The following RUFY2 variants were observed in gnomAD, a reference collection of about 807,000 sequenced individuals.
RUFY2 encodes RUN and FYVE domain-containing protein 2.
In RUFY2, 49 loss-of-function variants were observed where a neutral mutation model predicts 94.4. The observed-to-expected ratio is 0.52, with a 90% CI of 0.41 to 0.66. RUFY2 has a LOEUF of 0.66. RUFY2 is among the 30% of genes least tolerant of loss of function. RUFY2 has a pLI of 0.00. For synonymous variants in RUFY2, 255 were observed against 235.7 expected, an observed-to-expected ratio of 1.08 and a Z score of -0.75; for missense variants, 541 against 692.8, an observed-to-expected ratio of 0.78 and a Z score of 2.46.
intron 15 of RUFY2, among the ~76,000 whole-genome samples, chr10:68,361,427 G>C (rs1448203192): frequency 2.6e-5 from 4 of 152,184 alleles, no homozygotes; most frequent in African/African-American, 9.6e-5. Flanking sequence ...GCTCACTGTT[G>C]AGTCTCTAGC....
chr10:68,391,299 T>C lies in RUFY2; in HGVS notation c.650+1839A>G, dbSNP rs951082641. On this transcript the variant is annotated intron_variant, in intron 7 of 17. Transcript: ENST00000602465. ...GGGGAATACTGGGTAAAATAAAATA[T>C]ATTTTTAATTTTTGGGGTTTTTTTT... Among the ~76,000 whole-genome samples the C allele has an allele frequency of 5.3e-5, 8 of 152,186 alleles. No homozygotes were observed. The South Asian group carries it at 6.2e-4, about 12-fold the overall frequency.
chr10:68,353,450 T>C (rs546811647), intron 16 of RUFY2, among the ~76,000 whole-genome samples: 1 of 151,142 alleles, frequency 6.6e-6, no homozygotes, highest in African/African-American at 2.4e-5. Context: ...TGAGCCGAGA[T>C]CATGCCATTG....
At chr10:68,369,793 C>T (rs1406364790) in intron 13 of RUFY2, among the ~76,000 whole-genome samples, 1 of 151,836 alleles carries the variant, frequency 6.6e-6, no homozygotes, top group Non-Finnish European at 1.5e-5. Flanking sequence ...AAAATAAAAG[C>T]CAGTTTGACT....
intron 16 of RUFY2, among the ~76,000 whole-genome samples, chr10:68,354,095 G>A (rs975585397): frequency 6.6e-6 from 1 of 152,060 alleles, no homozygotes; most frequent in African/African-American, 2.4e-5. Context: ...AAAGGGCAAG[G>A]GAGTGAAGAA....
downstream of RUFY2, chr10:68,341,984 G>T: frequency 6.2e-7 from 1 of 1,614,044 alleles, no homozygotes; most frequent in Non-Finnish European, 8.5e-7. Flanking sequence ...TAAGGCCGTG[G>T]TGGTGGAGGC....
chr10:68,371,530 T>G (rs1282685959), intron 13 of RUFY2, among the ~76,000 whole-genome samples: 1 of 149,962 alleles, frequency 6.7e-6, no homozygotes, highest in African/African-American at 2.5e-5. Context: ...AGGCGGAGGT[T>G]GCAGAGAGCC....
chr10:68,380,840 C>A (rs927998397), intron 11 of RUFY2, among the ~76,000 whole-genome samples: 2 of 151,774 alleles, frequency 1.3e-5, no homozygotes, highest in Admixed American at 1.3e-4. Context: ...CCAGCCTGGG[C>A]AACAGAGCGA....
chr10:68,341,389 C>T (rs1032250065), downstream of RUFY2: 16 of 1,433,018 alleles, frequency 1.1e-5, no homozygotes, highest in Middle Eastern at 1.8e-4. Context: ...CTGTAGGTAA[C>T]GCTTGGCAGT....
At chr10:68,353,640 A>T (rs1465517236) in intron 16 of RUFY2, among the ~76,000 whole-genome samples, 1 of 151,858 alleles carries the variant, frequency 6.6e-6, no homozygotes, top group Non-Finnish European at 1.5e-5. Flanking sequence ...CTCTACAAAA[A>T]ATTTAAAAAT....
In RUFY2 at chr10:68,405,439, T is replaced by C. The variant is rs192073598; in HGVS notation, c.5-595A>G. Reference sequence around the variant, plus strand: ...GCCATTCTCCTGTATTTAACTTTCCTGGTACCTCTTCATAGAGAATGAGTT... The same window carrying C: ...GCCATTCTCCTGTATTTAACTTTCCCGGTACCTCTTCATAGAGAATGAGTT... On this transcript the variant is annotated intron_variant, in intron 1 of 17. Coordinates refer to ENST00000602465, the MANE Select transcript of RUFY2 (RefSeq NM_001330103.2). The C allele has an allele frequency of 9.9e-5, 96 of 973,516 alleles. No homozygotes were observed. The African/African-American group carries it at 1.4e-3, about 14-fold the overall frequency. 60.3% of individuals were successfully genotyped at this position (973,516 alleles called of 1,614,324 possible).
downstream of RUFY2, chr10:68,341,391 C>A: frequency 7.0e-7 from 1 of 1,428,204 alleles, no homozygotes; most frequent in Non-Finnish European, 9.6e-7. Context: ...GTAGGTAACG[C>A]TTGGCAGTTG....
chr10:68,405,535 G>T (rs768531360), intron 1 of RUFY2: 56 of 751,936 alleles, frequency 7.4e-5, no homozygotes, highest in Admixed American at 1.3e-4. Context: ...CATGCAAAAG[G>T]TAGATAGCAG....
chr10:68,395,191 A>T (rs530219645), intron 4 of RUFY2, among the ~76,000 whole-genome samples: 3 of 152,122 alleles, frequency 2.0e-5, no homozygotes, highest in African/African-American at 7.2e-5. Flanking sequence ...TACAAAAATT[A>T]GCCAGGCGTG....
At chr10:68,384,989 T>C (rs746350584) in intron 8 of RUFY2, among the ~76,000 whole-genome samples, 19 of 152,130 alleles carry the variant, frequency 1.2e-4, no homozygotes, top group Middle Eastern at 3.4e-3. Flanking sequence ...TTTGGCTGGG[T>C]GCAGTGGCTC....
chr10:68,384,172 C>G lies in RUFY2; in HGVS notation c.721-20G>C. On this transcript the variant is annotated intron_variant, in intron 8 of 17. Transcript: ENST00000602465. ...TGCTAACTAAAAATTAAGAAACGGG[C>G]AAGAAAAAAGATTTTAAACACCCTT... 2 of 1,595,294 alleles carry G rather than the reference C, an allele frequency of 1.3e-6. No individual in the cohort carries two copies. Among genetic ancestry groups the G allele is most frequent in the Non-Finnish European group, 1.7e-6 (2 of 1,174,714 alleles).
rs950681804 is a variant in RUFY2 at position 68,345,745 on chromosome 10, C to T, written c.*23G>A. The T allele has an allele frequency of 3.8e-6, 6 of 1,596,426 alleles. No homozygotes were observed. In the African/African-American group the frequency reaches 8.1e-5, roughly 21 times the overall value. On this transcript the variant is annotated 3_prime_UTR_variant, in exon 18 of 18. Coordinates refer to ENST00000602465, the MANE Select transcript of RUFY2 (RefSeq NM_001330103.2). ...AACATTCATTGTAGGTAATTTCATA[C>T]ATAAGGATTTAGTTCTGGAGTCTCA...
At chr10:68,371,338 C>A (rs2048264186) in intron 13 of RUFY2, among the ~76,000 whole-genome samples, 1 of 151,686 alleles carries the variant, frequency 6.6e-6, no homozygotes, top group African/African-American at 2.4e-5. Flanking sequence ...AGGAGAATCG[C>A]TTGAATCCAG....
chr10:68,387,320 G>A (rs977881977), intron 7 of RUFY2, among the ~76,000 whole-genome samples: 1 of 151,990 alleles, frequency 6.6e-6, no homozygotes, highest in African/African-American at 2.4e-5. Flanking sequence ...TTGCGCCACT[G>A]TACTCCAGCC....
chr10:68,360,204 G>A (rs182023301), intron 15 of RUFY2, among the ~76,000 whole-genome samples: 1 of 152,166 alleles, frequency 6.6e-6, no homozygotes, highest in African/African-American at 2.4e-5. Context: ...TGAGGCTGAG[G>A]AGGTGGGAGC....
Sources: gnomAD v4.1 joint callset for allele counts (sites outside exome capture counted in the v4.1 genomes callset) on GRCh38, gnomAD v4.1.1 for gene constraint, MANE v1.5 for transcripts, NCBI Gene and HGNC (gene_info 2026-07-23, HGNC 2026-07-21) for gene names.